XIRP2: variants seen among roughly 807,000 people sequenced by gnomAD.
XIRP2 encodes xin actin-binding repeat-containing protein 2.
XIRP2 carries 236 observed loss-of-function variants against 277.0 expected under a neutral mutation model. The ratio of observed to expected loss-of-function variants is 0.85; its 90% CI spans 0.77 to 0.95. XIRP2 has a LOEUF of 0.95. Ranked by LOEUF, XIRP2 falls within the 40% of genes least tolerant of loss-of-function variation. The probability of loss-of-function intolerance (pLI) is 0.00; values close to 1 mark genes in which losing one functional copy is unlikely to be tolerated. For synonymous variants in XIRP2, 1,490 were observed against 1,416.5 expected (o/e 1.05, Z -1.17); for missense variants, 4,640 against 4,157.5 (o/e 1.12, Z -3.19).
At chr2:167,042,007 C>A (rs1450288595) in intron 2 of XIRP2, among the ~76,000 whole-genome samples, 1 of 152,114 alleles carries the variant, frequency 6.6e-6, no homozygotes, top group South Asian at 2.1e-4. Context: ...AGAAACTTTA[C>A]AAGCCAGAAA....
intron 3 of XIRP2, among the ~76,000 whole-genome samples, chr2:167,165,849 T>C (rs1289488722): frequency 2.0e-5 from 3 of 152,224 alleles, no homozygotes; most frequent in Non-Finnish European, 4.4e-5. Context: ...TTTAATGAAT[T>C]CCAGCTTATT....
Position 167,237,035 on chromosome 2 carries a change from T to C in XIRP2, c.859-2820T>C, listed in dbSNP as rs578123977. On this transcript the variant is annotated intron_variant, in intron 5 of 10. Coordinates refer to ENST00000409195, the MANE Select transcript of XIRP2 (RefSeq NM_152381.6). Reference sequence around the variant, plus strand: ...GTAAGTTACAGTAACTAGAGGGCAGTAAAATTGATGCATTGATGCTAACAT... The same window carrying C: ...GTAAGTTACAGTAACTAGAGGGCAGCAAAATTGATGCATTGATGCTAACAT... Among the ~76,000 whole-genome samples the C allele has an allele frequency of 2.1e-4, 32 of 152,242 alleles. No individual in the cohort carries two copies. The South Asian group carries it at 6.0e-3, about 29-fold the overall frequency.
intron 4 of XIRP2, 146 bp downstream of exon 4, chr2:167,211,041 T>A: frequency 1.0e-6 from 1 of 976,798 alleles, no homozygotes; most frequent in Non-Finnish European, 1.5e-6. Flanking sequence ...AAATCCAGAC[T>A]ATCTGAATTT....
In XIRP2 at chr2:167,244,473, C is replaced by T. The variant is rs761859928; in HGVS notation, c.3081C>T (p.Asp1027=). Residue 1027 remains aspartate (D), a synonymous_variant, in exon 9 of 11, where the codon GAC becomes GAT. Transcript: ENST00000409195. The stretch of plus-strand genomic sequence containing the variant: ...GGCTTTTTGAAACAAGGCCCATTGA[C>T]CAGTTTGATGAAAGCATTCATAAAT... The part of the protein sequence containing the change: ...CRWLFETRPI[D]QFDESIHKFQ... 1 of 1,613,544 alleles carries T rather than the reference C, an allele frequency of 6.2e-7. No homozygotes were observed. The highest frequency in any genetic ancestry group is 2.2e-5 in the East Asian group (1 of 44,830).
chr2:166,998,552 G>T (rs940313878), intron 2 of XIRP2, among the ~76,000 whole-genome samples: 2 of 152,102 alleles, frequency 1.3e-5, no homozygotes, highest in African/African-American at 4.8e-5. Context: ...TAGGAGAATG[G>T]CGTGAACCCA....
chr2:167,009,421 T>C (rs1408093771), intron 2 of XIRP2, among the ~76,000 whole-genome samples: 1 of 152,026 alleles, frequency 6.6e-6, no homozygotes, highest in Admixed American at 6.6e-5. Flanking sequence ...TGCATAGTAT[T>C]CCATGGTGTA....
chr2:167,195,400 C>T (rs2105370958), intron 3 of XIRP2, among the ~76,000 whole-genome samples: 1 of 152,302 alleles, frequency 6.6e-6, no homozygotes, highest in Non-Finnish European at 1.5e-5. Flanking sequence ...TCTCTCTGAT[C>T]ACAGTTTTCT....
chr2:166,932,328 C>G (rs888654228), intron 2 of XIRP2, among the ~76,000 whole-genome samples: 1 of 151,888 alleles, frequency 6.6e-6, no homozygotes, highest in Non-Finnish European at 1.5e-5. Context: ...GCAGTCCTCC[C>G]TCCTCAGTCC....
At chr2:166,986,495 G>T (rs1687009524) in intron 2 of XIRP2, among the ~76,000 whole-genome samples, 1 of 152,232 alleles carries the variant, frequency 6.6e-6, no homozygotes, top group African/African-American at 2.4e-5. Flanking sequence ...AGCTATGATA[G>T]TTAGGTATAT....
intron 2 of XIRP2, among the ~76,000 whole-genome samples, chr2:167,103,153 A>C (rs1690530765): frequency 6.6e-6 from 1 of 152,094 alleles, no homozygotes; most frequent in African/African-American, 2.4e-5. Context: ...AAGGAAAGGA[A>C]GGAAGAAAGA....
At chr2:167,148,351 C>T (rs1198710145) in intron 3 of XIRP2, among the ~76,000 whole-genome samples, 12 of 143,244 alleles carry the variant, frequency 8.4e-5, no homozygotes, top group Non-Finnish European at 9.1e-5. Context: ...CATTGCACTC[C>T]AGTGTGGGTG....
chr2:167,063,020 G>A (rs760905805), intron 2 of XIRP2, among the ~76,000 whole-genome samples: 1 of 151,408 alleles, frequency 6.6e-6, no homozygotes, highest in African/African-American at 2.4e-5. Flanking sequence ...CTAGTTTGTA[G>A]GCAAACACTT....
At chr2:167,094,307 C>G (rs538837527) in intron 2 of XIRP2, among the ~76,000 whole-genome samples, 1 of 152,120 alleles carries the variant, frequency 6.6e-6, no homozygotes, top group Admixed American at 6.5e-5. Context: ...TGTGCAGAAG[C>G]TCTTTAGTTT....
intron 2 of XIRP2, among the ~76,000 whole-genome samples, chr2:167,098,389 A>G (rs1690382578): frequency 6.6e-6 from 1 of 152,194 alleles, no homozygotes; most frequent in African/African-American, 2.4e-5. Flanking sequence ...TGTGTTTTTC[A>G]GCTCCATCAG....
At chr2:167,043,854 A>G (rs905051108) in intron 2 of XIRP2, among the ~76,000 whole-genome samples, 4 of 152,158 alleles carry the variant, frequency 2.6e-5, no homozygotes, top group Non-Finnish European at 5.9e-5. Flanking sequence ...ATTCAGTATT[A>G]TGATACTGAA....
At chr2:166,933,520 T>C (rs1445066280) in intron 2 of XIRP2, among the ~76,000 whole-genome samples, 1 of 151,072 alleles carries the variant, frequency 6.6e-6, no homozygotes, top group Admixed American at 6.6e-5. Context: ...ACATAAAATG[T>C]CTCTAGCCAA....
intron 4 of XIRP2, among the ~76,000 whole-genome samples, chr2:167,213,381 C>T (rs1330475693): frequency 1.3e-5 from 2 of 152,186 alleles, no homozygotes; most frequent in East Asian, 3.9e-4. Flanking sequence ...ATTAGAAGCA[C>T]TGTCTGTCCA....
At chr2:167,166,656 A>G (rs761194679) in intron 3 of XIRP2, among the ~76,000 whole-genome samples, 4 of 152,170 alleles carry the variant, frequency 2.6e-5, no homozygotes, top group Non-Finnish European at 5.9e-5. Flanking sequence ...GAGAGAGCAA[A>G]GCAGGGATGT....
intron 2 of XIRP2, among the ~76,000 whole-genome samples, chr2:166,958,350 C>T (rs1200253809): frequency 6.6e-6 from 1 of 151,770 alleles, no homozygotes; most frequent in African/African-American, 2.4e-5. Flanking sequence ...AAGCTGAGGG[C>T]AGCTTTTATT....
Sources: allele counts gnomAD v4.1 joint callset (sites outside exome capture counted in the v4.1 genomes callset), GRCh38; gene constraint gnomAD v4.1.1; transcripts MANE v1.5; gene names NCBI Gene and HGNC (gene_info 2026-07-23, HGNC 2026-07-21).